SLC2A13: variants seen among roughly 807,000 people sequenced by gnomAD.
SLC2A13 encodes proton myo-inositol cotransporter.
A neutral mutation model predicts 64.4 loss-of-function variants in SLC2A13; 32 were observed. The observed-to-expected ratio is 0.50, with a 90% CI of 0.37 to 0.67. The LOEUF is 0.67. SLC2A13 is among the 30% of genes least tolerant of loss of function. The pLI is 0.00. For missense variants in SLC2A13, 743 were observed against 829.2 expected (o/e 0.90, Z 1.28); for synonymous variants, 338 against 327.1 (o/e 1.03, Z -0.36).
chr12:39,764,047 C>T (rs555731816), intron 9 of SLC2A13, among the ~76,000 whole-genome samples: 1 of 152,240 alleles, frequency 6.6e-6, no homozygotes, highest in Admixed American at 6.5e-5. Flanking sequence ...GCAGATTCTG[C>T]TCTTGGACTG....
intron 7 of SLC2A13, among the ~76,000 whole-genome samples, chr12:39,813,806 T>A (rs548640861): frequency 6.6e-6 from 1 of 152,270 alleles, no homozygotes; most frequent in South Asian, 2.1e-4. Flanking sequence ...AAAATAGCAA[T>A]TAAAAAGATG....
At chr12:40,083,734 G>A (rs1938493586) in intron 1 of SLC2A13, among the ~76,000 whole-genome samples, 1 of 152,148 alleles carries the variant, frequency 6.6e-6, no homozygotes. Flanking sequence ...GCAGTCCTGG[G>A]ACTCACCCCT....
intron 1 of SLC2A13, among the ~76,000 whole-genome samples, chr12:40,052,501 C>T (rs550508029): frequency 2.0e-5 from 3 of 151,734 alleles, no homozygotes; most frequent in South Asian, 2.1e-4. Flanking sequence ...GTGAGAGTCT[C>T]GGGGTGAGTC....
chr12:39,841,681 T>C (rs1943183337), intron 6 of SLC2A13, among the ~76,000 whole-genome samples: 1 of 152,056 alleles, frequency 6.6e-6, no homozygotes, highest in East Asian at 1.9e-4. Context: ...ATATAATTTG[T>C]ATATAATCAA....
intron 1 of SLC2A13, among the ~76,000 whole-genome samples, chr12:40,092,273 T>C (rs949976186): frequency 1.3e-5 from 2 of 152,206 alleles, no homozygotes; most frequent in African/African-American, 2.4e-5. Flanking sequence ...CCACATTTAT[T>C]TGAAGCACTC....
At chr12:39,893,869 T>C (rs1944674866) in intron 4 of SLC2A13, among the ~76,000 whole-genome samples, 1 of 152,234 alleles carries the variant, frequency 6.6e-6, no homozygotes, top group African/African-American at 2.4e-5. Context: ...AATTTTTGAA[T>C]TCACAATCCA....
At chr12:39,829,420 T>TTTTTTTTTTTTTTA (rs1942793094) in intron 7 of SLC2A13, 1 of 124,708 alleles carries the variant, frequency 8.0e-6, no homozygotes, top group Non-Finnish European at 1.7e-5. Context: ...TTTTTTCTTT[T>TTTTTTTTTTTTTTA]TTTTGAGGCA....
At chr12:39,898,756 A>G (rs946753110) in intron 4 of SLC2A13, among the ~76,000 whole-genome samples, 1 of 152,136 alleles carries the variant, frequency 6.6e-6, no homozygotes, top group African/African-American at 2.4e-5. Flanking sequence ...AGAGTCACCC[A>G]CACTACTTAC....
chr12:39,872,706 ATTTCT>A (rs563207885), intron 4 of SLC2A13, among the ~76,000 whole-genome samples: 46 of 152,316 alleles, frequency 3.0e-4, no homozygotes, highest in Middle Eastern at 3.4e-3. Context: ...ATCACAAGAC[ATTTCT>A]TTTCTGGTGG....
chr12:39,843,363 T>C (rs775168831), intron 6 of SLC2A13, among the ~76,000 whole-genome samples: 16 of 152,066 alleles, frequency 1.1e-4, no homozygotes, highest in Non-Finnish European at 1.6e-4. Flanking sequence ...AAGACAAGCC[T>C]ATCTGTCATT....
chr12:39,984,347 T>C (rs1946987606), intron 3 of SLC2A13, among the ~76,000 whole-genome samples: 1 of 151,934 alleles, frequency 6.6e-6, no homozygotes, highest in African/African-American at 2.4e-5. Context: ...AAAGTGCTTA[T>C]AAAATATGAG....
chr12:39,790,215 TC>T (rs200766476), intron 7 of SLC2A13, among the ~76,000 whole-genome samples: 113,887 of 144,214 alleles, frequency 0.79, 44,934 homozygotes, highest in East Asian at 0.86. Flanking sequence ...GTTTTTTTTT[TC>T]TTCTTCTTCT....
intron 1 of SLC2A13, among the ~76,000 whole-genome samples, chr12:40,093,397 G>T (rs913117314): frequency 6.6e-6 from 1 of 152,110 alleles, no homozygotes; most frequent in African/African-American, 2.4e-5. Context: ...CTAGATGCCT[G>T]CTGTGTACCA....
intron 3 of SLC2A13, among the ~76,000 whole-genome samples, chr12:39,987,451 T>C (rs1947050658): frequency 6.6e-6 from 1 of 152,306 alleles, no homozygotes; most frequent in South Asian, 2.1e-4. Flanking sequence ...AAATGAAATG[T>C]GTCAAAAGCA....
At chr12:40,079,483 GT>G (rs1228188462) in intron 1 of SLC2A13, among the ~76,000 whole-genome samples, 2 of 152,174 alleles carry the variant, frequency 1.3e-5, no homozygotes, top group Non-Finnish European at 2.9e-5. Context: ...GGTTGGTAGG[GT>G]TTTGTGTTTG....
At chr12:39,882,777 T>G (rs1356417132) in intron 4 of SLC2A13, among the ~76,000 whole-genome samples, 3 of 152,240 alleles carry the variant, frequency 2.0e-5, no homozygotes, top group African/African-American at 7.2e-5. Context: ...CTTCTACATT[T>G]GCTGCTAGAA....
intron 1 of SLC2A13, among the ~76,000 whole-genome samples, chr12:40,094,233 G>A (rs982499973): frequency 1.3e-5 from 2 of 152,188 alleles, no homozygotes; most frequent in African/African-American, 4.8e-5. Context: ...ACAAAACAGG[G>A]AAGTCGGGTG....
chr12:39,946,018 G>A (rs997894564), intron 4 of SLC2A13, among the ~76,000 whole-genome samples: 1 of 152,172 alleles, frequency 6.6e-6, no homozygotes, highest in African/African-American at 2.4e-5. Context: ...GCTGAAGGCT[G>A]TCGTTCAGAT....
At chr12:39,953,767 A>C (rs1222247547) in intron 3 of SLC2A13, among the ~76,000 whole-genome samples, 2 of 152,202 alleles carry the variant, frequency 1.3e-5, no homozygotes, top group Non-Finnish European at 2.9e-5. Flanking sequence ...AAAGCAGTAG[A>C]TTCAAGATCC....
Sources: gnomAD v4.1 joint callset for allele counts (sites outside exome capture counted in the v4.1 genomes callset) on GRCh38, gnomAD v4.1.1 for gene constraint, MANE v1.5 for transcripts, NCBI Gene and HGNC (gene_info 2026-07-23, HGNC 2026-07-21) for gene names.